Variants in COL4A6 observed in about 807,000 individuals in gnomAD.
The protein encoded by COL4A6 is collagen alpha-6(IV) chain.
In COL4A6, 59 loss-of-function variants were observed where a neutral mutation model predicts 126.7. The ratio of observed to expected loss-of-function variants is 0.47; its 90% CI spans 0.38 to 0.58. The LOEUF (loss-of-function observed/expected upper bound fraction) is 0.58, where lower values mean the gene tolerates loss of function less well. Among genes scored for constraint, COL4A6 ranks in the 20% least tolerant of loss-of-function variants. The pLI, the probability that COL4A6 is intolerant of heterozygous loss-of-function variation, is 0.00. For missense variants in COL4A6, 1,285 were observed against 1,337.3 expected (o/e 0.96, Z 0.61); for synonymous variants, 547 against 496.6 (o/e 1.10, Z -1.35).
intron 2 of COL4A6, among the ~76,000 whole-genome samples, chrX:108,340,051 A>G (rs2039520543): frequency 9.0e-6 from 1 of 111,508 alleles, no homozygotes; most frequent in South Asian, 3.8e-4. Context: ...CATTTACCAT[A>G]TATAGCTCTG....
At chrX:108,258,374 A>G in intron 3 of COL4A6, among the ~76,000 whole-genome samples, 1 of 112,125 alleles carries the variant, frequency 8.9e-6, no homozygotes, top group Middle Eastern at 4.7e-3. Context: ...CTTGTAATGA[A>G]AACTAGAGGT....
chrX:108,253,765 T>A (rs1390892653), intron 3 of COL4A6, among the ~76,000 whole-genome samples: 1 of 111,911 alleles, frequency 8.9e-6, no homozygotes, highest in East Asian at 2.8e-4. Flanking sequence ...TAACCCCTAG[T>A]TCTTTCCTAA....
At chrX:108,423,661 C>T (rs2064022375) in intron 2 of COL4A6, among the ~76,000 whole-genome samples, 1 of 111,700 alleles carries the variant, frequency 9.0e-6, no homozygotes, top group African/African-American at 3.3e-5. Flanking sequence ...CTGACACCTA[C>T]AAAGCACTGA....
At chrX:108,169,149 G>A (rs2034218865) in intron 37 of COL4A6, among the ~76,000 whole-genome samples, 1 of 111,436 alleles carries the variant, frequency 9.0e-6, no homozygotes, top group African/African-American at 3.3e-5. Flanking sequence ...CTGAGGAAAT[G>A]CCAGCCAACC....
chrX:108,326,892 A>T (rs185253829), intron 2 of COL4A6, among the ~76,000 whole-genome samples: 1 of 112,386 alleles, frequency 8.9e-6, no homozygotes, highest in Admixed American at 9.4e-5. Flanking sequence ...TTAAGCAGAG[A>T]TTTAGATACA....
intron 31 of COL4A6, 97 bp downstream of exon 31, chrX:108,174,343 G>A: frequency 1.1e-6 from 1 of 902,790 alleles, no homozygotes; most frequent in Non-Finnish European, 1.6e-6. Flanking sequence ...AAGGGGCTGA[G>A]AAGTAAGCTG....
intron 3 of COL4A6, among the ~76,000 whole-genome samples, chrX:108,282,727 G>A (rs1363080621): frequency 9.3e-6 from 1 of 107,880 alleles, no homozygotes; most frequent in Non-Finnish European, 1.9e-5. Flanking sequence ...ATTCACAATA[G>A]CAAAGACTTG....
At chrX:108,194,708 G>C in intron 15 of COL4A6, 121 bp from the exon 16 acceptor site, 1 of 664,223 alleles carries the variant, frequency 1.5e-6, no homozygotes, top group South Asian at 2.8e-5. Context: ...GGTATATGTG[G>C]CTTCTATCTG....
At chrX:108,416,091 C>T (rs756829597) in intron 2 of COL4A6, among the ~76,000 whole-genome samples, 4 of 111,807 alleles carry the variant, frequency 3.6e-5, no homozygotes, top group African/African-American at 1.3e-4. Context: ...CATTCATCCT[C>T]GCTGCTTCTT....
chrX:108,309,371 A>G (rs113630698), intron 3 of COL4A6, among the ~76,000 whole-genome samples: 1 of 111,163 alleles, frequency 9.0e-6, no homozygotes, highest in African/African-American at 3.3e-5. Context: ...ATCTGTCATC[A>G]CTTTGCTATG....
chrX:108,280,200 C>A (rs1208093279), intron 3 of COL4A6, among the ~76,000 whole-genome samples: 4 of 111,108 alleles, frequency 3.6e-5, no homozygotes, highest in Non-Finnish European at 7.5e-5. Flanking sequence ...TTAACGAATC[C>A]AAGAGCTGGT....
intron 2 of COL4A6, among the ~76,000 whole-genome samples, chrX:108,415,555 C>T (rs1164803068): frequency 8.0e-5 from 9 of 111,871 alleles, no homozygotes; most frequent in Non-Finnish European, 1.7e-4. Flanking sequence ...ATAATCCCTA[C>T]CTATCTGATA....
rs766502484 is a variant in COL4A6 at position 108,180,470 on chromosome X, C to T, written c.2131+45G>A. On this transcript the variant is annotated intron_variant, in intron 25 of 44. Coordinates refer to ENST00000334504, the MANE Select transcript of COL4A6 (RefSeq NM_033641.4). ...ACACACACACACACACACACACACA[C>T]ATACACACAAAGAGAAGCAGGTGAG... 1.0e-6 allele frequency: 1 copy of T among 993,147 alleles called. No homozygotes were observed. 81.8% of individuals were successfully genotyped at this position (993,147 alleles called of 1,213,427 possible).
intron 2 of COL4A6, among the ~76,000 whole-genome samples, chrX:108,355,554 C>CATAAATAAAAAACTAGATA (rs1177254477): frequency 8.9e-6 from 1 of 111,927 alleles, no homozygotes; most frequent in Non-Finnish European, 1.9e-5. Flanking sequence ...TCAAATAGTA[C>CATAAATAAAAAACTAGATA]ATAAATAAAA....
At chrX:108,225,002 C>T (rs949371700) in intron 3 of COL4A6, among the ~76,000 whole-genome samples, 2 of 93,537 alleles carry the variant, frequency 2.1e-5, no homozygotes, top group Non-Finnish European at 4.1e-5. Flanking sequence ...AGGAAAGGCC[C>T]TTAGAGACCA....
At chrX:108,426,681 T>C (rs1001451511) in intron 2 of COL4A6, among the ~76,000 whole-genome samples, 29 of 112,073 alleles carry the variant, frequency 2.6e-4, no homozygotes, top group African/African-American at 7.8e-4. Context: ...TTTTCCTAAA[T>C]TGTCACCCAA....
chrX:108,307,052 A>G (rs769781454), intron 3 of COL4A6, among the ~76,000 whole-genome samples: 6 of 110,679 alleles, frequency 5.4e-5, no homozygotes, highest in Non-Finnish European at 9.4e-5. Flanking sequence ...TAGTAGGGAA[A>G]AAAAGAGAAG....
At chrX:108,159,420 C>T in intron 44 of COL4A6, 42 bp downstream of exon 44, 1 of 1,200,226 alleles carries the variant, frequency 8.3e-7, no homozygotes, top group African/African-American at 1.7e-5. Context: ...TCCAAGGGGC[C>T]CTTTGCCTCC....
intron 2 of COL4A6, among the ~76,000 whole-genome samples, chrX:108,414,190 A>G (rs954212546): frequency 3.6e-5 from 4 of 112,303 alleles, no homozygotes; most frequent in East Asian, 5.6e-4. Flanking sequence ...AAAGAAACAT[A>G]ATAGGGCAGT....
Sources: allele counts gnomAD v4.1 joint callset (sites outside exome capture counted in the v4.1 genomes callset), GRCh38; gene constraint gnomAD v4.1.1; transcripts MANE v1.5; gene names NCBI Gene and HGNC (gene_info 2026-07-23, HGNC 2026-07-21).